Variants in DTNA observed in about 807,000 individuals in gnomAD.
DTNA encodes dystrophin-related protein 3.
DTNA carries 43 observed loss-of-function variants against 100.7 expected under a neutral mutation model. The ratio of observed to expected loss-of-function variants is 0.43; its 90% CI spans 0.33 to 0.55. The LOEUF is 0.55. DTNA is among the 20% of genes least tolerant of loss of function. DTNA has a pLI of 0.04. For synonymous variants in DTNA, 349 were observed against 347.9 expected (o/e 1.00, Z -0.04); for missense variants, 798 against 953.9 (o/e 0.84, Z 2.15).
chr18:34,554,799 G>A (rs946940828), intron 1 of DTNA, among the ~76,000 whole-genome samples: 54 of 148,074 alleles, frequency 3.6e-4, no homozygotes, highest in Admixed American at 2.6e-3. Flanking sequence ...GAGGATTTTT[G>A]CATCAATGTT....
At chr18:34,619,177 A>C (rs1377339349) in intron 1 of DTNA, among the ~76,000 whole-genome samples, 1 of 152,218 alleles carries the variant, frequency 6.6e-6, no homozygotes, top group Non-Finnish European at 1.5e-5. Flanking sequence ...AGCATTGCTA[A>C]AGCCTAAGAT....
intron 1 of DTNA, among the ~76,000 whole-genome samples, chr18:34,678,546 G>T (rs2077668806): frequency 6.6e-6 from 1 of 152,096 alleles, no homozygotes; most frequent in Non-Finnish European, 1.5e-5. Flanking sequence ...CTTAACATGA[G>T]ATTTCCTAAG....
At chr18:34,698,138 A>G (rs1325701226) in intron 1 of DTNA, among the ~76,000 whole-genome samples, 1 of 152,106 alleles carries the variant, frequency 6.6e-6, no homozygotes, top group African/African-American at 2.4e-5. Flanking sequence ...GTGCCCAGTC[A>G]TACAGAACCA....
intron 1 of DTNA, among the ~76,000 whole-genome samples, chr18:34,634,467 C>T (rs2058438990): frequency 6.6e-6 from 1 of 152,098 alleles, no homozygotes; most frequent in Non-Finnish European, 1.5e-5. Context: ...CATGTTTTCA[C>T]ATTTTTGCAA....
At chr18:34,584,498 AATAAT>A (rs945191203) in intron 1 of DTNA, among the ~76,000 whole-genome samples, 2 of 152,160 alleles carry the variant, frequency 1.3e-5, no homozygotes, top group African/African-American at 2.4e-5. Flanking sequence ...TGTTAGGCGA[AATAAT>A]ATAATCAACA....
intron 22 of DTNA, among the ~76,000 whole-genome samples, chr18:34,885,660 A>G (rs997325975): frequency 1.3e-5 from 2 of 152,228 alleles, no homozygotes; most frequent in Non-Finnish European, 2.9e-5. Context: ...AGAGGCCGGT[A>G]TTAAAAACCA....
intron 1 of DTNA, among the ~76,000 whole-genome samples, chr18:34,721,278 A>T (rs187513998): frequency 2.0e-5 from 3 of 152,170 alleles, no homozygotes; most frequent in Admixed American, 2.0e-4. Context: ...CAAATAAAGA[A>T]CTCTTACATT....
At chr18:34,695,090 G>C (rs1016854956) in intron 1 of DTNA, among the ~76,000 whole-genome samples, 3 of 152,096 alleles carry the variant, frequency 2.0e-5, no homozygotes, top group South Asian at 2.1e-4. Flanking sequence ...TAAAATTACT[G>C]TACTATAACA....
At chr18:34,683,649 C>G (rs1284385265) in intron 1 of DTNA, 1 of 152,104 alleles carries the variant, frequency 6.6e-6, no homozygotes, top group African/African-American at 2.4e-5. Flanking sequence ...CCATCATGAA[C>G]AGAATTTCTA....
intron 1 of DTNA, among the ~76,000 whole-genome samples, chr18:34,580,608 T>C (rs775918789): frequency 2.0e-5 from 3 of 152,208 alleles, no homozygotes; most frequent in Non-Finnish European, 4.4e-5. Context: ...TTAGGAAGAC[T>C]GAGAATAGCA....
chr18:34,838,785 G>T lies in DTNA; in HGVS notation c.1294G>T (p.Glu432Ter). The change falls in exon 13 of 23, where the codon GAA becomes TAA. Residue 432 changes from glutamate (E) to a stop codon, truncating the protein, a stop_gained. Transcript: ENST00000444659. LOFTEE classifies it high-confidence loss of function. ...GAATGTGGCAGACAGGCTAGCTGATGAACATGTTCTCATCGGGTTGTATGT... is the reference window on the plus strand; with the variant it reads ...GAATGTGGCAGACAGGCTAGCTGATTAACATGTTCTCATCGGGTTGTATGT... Reference protein sequence around the residue: ...SLNVADRLADEHVLIGLYVNM... With the variant: ...SLNVADRLAD The T allele has an allele frequency of 1.2e-6, 2 of 1,613,752 alleles. No homozygotes were observed. Among genetic ancestry groups the T allele is most frequent in the South Asian group, 2.2e-5 (2 of 91,058 alleles).
intron 2 of DTNA, among the ~76,000 whole-genome samples, chr18:34,764,735 A>C (rs4799779): frequency 0.93 from 141,593 of 152,278 alleles, 66,709 homozygotes; most frequent in South Asian, 1. Flanking sequence ...CGTCTAATAT[A>C]ATCGCTTCCA....
At chr18:34,592,850 C>G (rs951990297) in intron 1 of DTNA, among the ~76,000 whole-genome samples, 1 of 152,084 alleles carries the variant, frequency 6.6e-6, no homozygotes, top group Non-Finnish European at 1.5e-5. Flanking sequence ...AAATGCTGTC[C>G]TACAATGAAA....
intron 1 of DTNA, among the ~76,000 whole-genome samples, chr18:34,519,614 A>G (rs1023173483): frequency 1.3e-5 from 2 of 152,148 alleles, no homozygotes; most frequent in Non-Finnish European, 2.9e-5. Flanking sequence ...CTTTATTCCT[A>G]CAAGATACTT....
intron 1 of DTNA, among the ~76,000 whole-genome samples, chr18:34,698,230 C>T (rs1298234228): frequency 6.6e-6 from 1 of 152,230 alleles, no homozygotes; most frequent in East Asian, 1.9e-4. Flanking sequence ...TTCCCAGAAA[C>T]TACCTGCATT....
At chr18:34,649,323 T>G (rs1262339473) in intron 1 of DTNA, among the ~76,000 whole-genome samples, 1 of 152,190 alleles carries the variant, frequency 6.6e-6, no homozygotes, top group South Asian at 2.1e-4. Flanking sequence ...GATTGATATA[T>G]CTGCAAAACG....
chr18:34,656,887 G>GT (rs756594309), intron 1 of DTNA, among the ~76,000 whole-genome samples: 1 of 151,690 alleles, frequency 6.6e-6, no homozygotes, highest in Non-Finnish European at 1.5e-5. Context: ...TTGTTTGTTT[G>GT]TTTTTTTGAG....
At chr18:34,880,068 G>C (rs985057117) in intron 20 of DTNA, among the ~76,000 whole-genome samples, 2 of 152,142 alleles carry the variant, frequency 1.3e-5, no homozygotes, top group Non-Finnish European at 2.9e-5. Flanking sequence ...CCTATCTTCT[G>C]AACTTATTGT....
At chr18:34,857,947 A>C (rs1023959277) in intron 15 of DTNA, among the ~76,000 whole-genome samples, 1 of 152,184 alleles carries the variant, frequency 6.6e-6, no homozygotes, top group Non-Finnish European at 1.5e-5. Flanking sequence ...TGCTCTTCAA[A>C]GTTGGACACA....
Sources: allele counts gnomAD v4.1 joint callset (sites outside exome capture counted in the v4.1 genomes callset), GRCh38; gene constraint gnomAD v4.1.1; transcripts MANE v1.5; gene names NCBI Gene and HGNC (gene_info 2026-07-23, HGNC 2026-07-21).